Variants in DOK6 observed in about 807,000 individuals in gnomAD.
DOK6 encodes docking protein 6.
Under a neutral mutation model 44.0 loss-of-function variants are expected in DOK6, and 22 were observed. The observed-to-expected ratio is 0.50, with a 90% CI of 0.36 to 0.71. The LOEUF (loss-of-function observed/expected upper bound fraction) is 0.71. DOK6 is among the 30% of genes least tolerant of loss of function. DOK6 has a pLI of 0.00. For synonymous variants in DOK6, 166 were observed against 145.5 expected, an observed-to-expected ratio of 1.14 and a Z score of -1.01; for missense variants, 340 against 416.4, an observed-to-expected ratio of 0.82 and a Z score of 1.60.
intron 2 of DOK6, among the ~76,000 whole-genome samples, chr18:69,577,744 G>T (rs985699652): frequency 6.6e-6 from 1 of 152,144 alleles, no homozygotes; most frequent in African/African-American, 2.4e-5. Flanking sequence ...GAGGCACTAG[G>T]TGTTAAGACT....
chr18:69,776,178 A>G (rs990126918), intron 7 of DOK6, among the ~76,000 whole-genome samples: 2 of 152,064 alleles, frequency 1.3e-5, no homozygotes, highest in African/African-American at 4.8e-5. Flanking sequence ...AAAATTAAAC[A>G]GCATAAAACA....
At position 69,630,836 on chromosome 18, in the gene DOK6, A is replaced by C. The variant is rs191112717; in HGVS notation, c.289+31338A>C. ...TGTAAAATACTTCTGGTATTGCTGA[A>C]CATTTTTTGTCTTACTCAGAAAAGT... On this transcript the variant is annotated intron_variant, in intron 3 of 7. Coordinates refer to ENST00000382713, the MANE Select transcript of DOK6 (RefSeq NM_152721.6). Among the ~76,000 whole-genome samples the C allele has an allele frequency of 7.8e-3, 1,184 of 152,294 alleles. 4 individuals are homozygous for C. Among genetic ancestry groups the C allele is most frequent in the Non-Finnish European group, 0.013 (866 of 67,998 alleles).
chr18:69,707,331 A>G (rs1321057486), intron 5 of DOK6, among the ~76,000 whole-genome samples: 1 of 152,240 alleles, frequency 6.6e-6, no homozygotes, highest in Non-Finnish European at 1.5e-5. Context: ...ATTGGAAAAA[A>G]CTACTTTAAA....
chr18:69,725,719 C>CT (rs1479626272), intron 5 of DOK6, among the ~76,000 whole-genome samples: 15 of 152,208 alleles, frequency 9.9e-5, no homozygotes, highest in Non-Finnish European at 1.8e-4. Context: ...AACTCCTGAC[C>CT]TCAGGTAATC....
chr18:69,705,274 TC>T (rs2144709822), intron 5 of DOK6: 1 of 152,344 alleles, frequency 6.6e-6, no homozygotes, highest in South Asian at 2.1e-4. Context: ...CAGCCTGTTT[TC>T]CCTGTAAAAC....
At chr18:69,683,369 C>A (rs1012624010) in intron 4 of DOK6, among the ~76,000 whole-genome samples, 3 of 152,142 alleles carry the variant, frequency 2.0e-5, no homozygotes, top group Non-Finnish European at 4.4e-5. Flanking sequence ...AAATCCAAAC[C>A]CTCCATAACT....
At chr18:69,828,884 G>GTGTATATATATATATATATATATATATA (rs1555673465) in intron 7 of DOK6, among the ~76,000 whole-genome samples, 37 of 90,212 alleles carry the variant, frequency 4.1e-4, no homozygotes, top group East Asian at 4.1e-3. Flanking sequence ...ACATTTATGT[G>GTGTATATATATATATATATATATATATA]TATATATATA....
intron 1 of DOK6, 77 bp from the exon 2 acceptor site, chr18:69,564,410 T>C: frequency 8.0e-7 from 1 of 1,247,036 alleles, no homozygotes; most frequent in East Asian, 2.5e-5. Context: ...CTTAAAAAAT[T>C]GATTAATTGA....
intron 7 of DOK6, among the ~76,000 whole-genome samples, chr18:69,829,103 C>A (rs1329485538): frequency 1.3e-5 from 2 of 150,148 alleles, no homozygotes; most frequent in East Asian, 3.9e-4. Flanking sequence ...CAGTACACCA[C>A]TTGAACATAT....
At chr18:69,708,178 T>G (rs1158310215) in intron 5 of DOK6, among the ~76,000 whole-genome samples, 2 of 152,222 alleles carry the variant, frequency 1.3e-5, no homozygotes, top group African/African-American at 2.4e-5. Context: ...ATGTAGCAAG[T>G]AAACAGATTT....
At chr18:69,589,334 C>A (rs1983574270) in intron 2 of DOK6, among the ~76,000 whole-genome samples, 1 of 151,938 alleles carries the variant, frequency 6.6e-6, no homozygotes, top group African/African-American at 2.4e-5. Context: ...TACTATTTTA[C>A]TCTCAAAAGT....
intron 5 of DOK6, among the ~76,000 whole-genome samples, chr18:69,738,123 C>T (rs575135555): frequency 4.7e-4 from 72 of 152,248 alleles, no homozygotes; most frequent in African/African-American, 1.5e-3. Flanking sequence ...TCTGTAATGT[C>T]GGAAGCCTCT....
intron 3 of DOK6, among the ~76,000 whole-genome samples, chr18:69,655,832 A>G (rs368574219): frequency 6.6e-6 from 1 of 151,086 alleles, no homozygotes; most frequent in East Asian, 1.9e-4. Context: ...TTAATCTAAA[A>G]TATGAAAAAT....
intron 1 of DOK6, among the ~76,000 whole-genome samples, chr18:69,435,000 GAAGA>G (rs1978921981): frequency 2.5e-5 from 3 of 121,260 alleles, no homozygotes; most frequent in Non-Finnish European, 5.3e-5. Flanking sequence ...AGGAAGGAAG[GAAGA>G]AAGATTAGTG....
intron 3 of DOK6, among the ~76,000 whole-genome samples, chr18:69,614,571 TG>T (rs1984240787): frequency 2.0e-5 from 3 of 150,886 alleles, no homozygotes; most frequent in Non-Finnish European, 3.0e-5. Context: ...TGTGTGTGTG[TG>T]TGTTAAGAAC....
At chr18:69,819,726 G>C (rs560697975) in intron 7 of DOK6, among the ~76,000 whole-genome samples, 2 of 152,112 alleles carry the variant, frequency 1.3e-5, no homozygotes, top group Admixed American at 6.6e-5. Flanking sequence ...CTATGAGTTT[G>C]ATGATTTTAG....
At chr18:69,678,832 C>T (rs1233211963) in intron 4 of DOK6, among the ~76,000 whole-genome samples, 2 of 151,222 alleles carry the variant, frequency 1.3e-5, no homozygotes, top group African/African-American at 2.4e-5. Flanking sequence ...TTTTGATGAT[C>T]GGTGTTTTGA....
At chr18:69,665,865 C>T (rs910852073) in intron 3 of DOK6, among the ~76,000 whole-genome samples, 1 of 151,842 alleles carries the variant, frequency 6.6e-6, no homozygotes, top group East Asian at 1.9e-4. Flanking sequence ...CTCTCTCAGA[C>T]CTTATGCCCT....
At chr18:69,407,969 C>A (rs1891354577) in intron 1 of DOK6, among the ~76,000 whole-genome samples, 1 of 152,140 alleles carries the variant, frequency 6.6e-6, no homozygotes, top group Admixed American at 6.6e-5. Flanking sequence ...AAAGACTTAT[C>A]ACACATATTA....
Sources: allele counts gnomAD v4.1 joint callset (sites outside exome capture counted in the v4.1 genomes callset), GRCh38; gene constraint gnomAD v4.1.1; transcripts MANE v1.5; gene names NCBI Gene and HGNC (gene_info 2026-07-23, HGNC 2026-07-21).